The following LGR5 variants were observed in gnomAD, a reference collection of about 807,000 sequenced individuals.
LGR5 encodes the protein leucine-rich repeat-containing G protein-coupled receptor 5.
LGR5 carries 54 observed loss-of-function variants against 76.7 expected under a neutral mutation model. The observed-to-expected ratio is 0.70, with a 90% CI of 0.57 to 0.88. The LOEUF (loss-of-function observed/expected upper bound fraction) is 0.88. LGR5 is among the 40% of genes least tolerant of loss of function. The pLI is 0.00. For missense variants in LGR5, 1,078 were observed against 1,073.3 expected, an observed-to-expected ratio of 1.00 and a Z score of -0.06; for synonymous variants, 406 against 421.9, an observed-to-expected ratio of 0.96 and a Z score of 0.46.
chr12:71,528,116 G>A (rs924676403), intron 3 of LGR5, among the ~76,000 whole-genome samples: 1 of 152,104 alleles, frequency 6.6e-6, no homozygotes, highest in African/African-American at 2.4e-5. Flanking sequence ...TATACATCCT[G>A]TCTATTCCTG....
chr12:71,584,311 C>T lies in LGR5; in HGVS notation c.2301C>T (p.His767=), dbSNP rs1879227074. 1.2e-6 allele frequency: 2 copies of T among 1,614,076 alleles called. No homozygotes were observed. The highest frequency in any genetic ancestry group is 8.5e-7 in the Non-Finnish European group (1 of 1,180,012). Residue 767 remains histidine, a synonymous_variant, in exon 18 of 18, where the codon CAC becomes CAT. Transcript: ENST00000266674. ...TTTGGGACTGCTCTATGGTAAAACA[C>T]ATTGCCCTGTTGCTCTTCACCAACT... is the stretch of plus-strand genomic sequence containing the variant. ...ENIWDCSMVK[H]IALLLFTNCI... is the part of the protein sequence containing the mutation.
intron 3 of LGR5, among the ~76,000 whole-genome samples, chr12:71,531,042 A>C (rs1876282808): frequency 6.6e-6 from 1 of 151,696 alleles, no homozygotes; most frequent in South Asian, 2.1e-4. Flanking sequence ...AATTGTGTAG[A>C]GTAGCATGGG....
intron 1 of LGR5, among the ~76,000 whole-genome samples, chr12:71,478,387 C>A (rs1873434512): frequency 6.6e-6 from 1 of 152,184 alleles, no homozygotes; most frequent in Non-Finnish European, 1.5e-5. Context: ...AAAATGAAGT[C>A]TTACATATTT....
chr12:71,576,062 G>A (rs920715307), intron 13 of LGR5, among the ~76,000 whole-genome samples: 1 of 152,104 alleles, frequency 6.6e-6, no homozygotes, highest in Admixed American at 6.5e-5. Context: ...CACAGGGAGA[G>A]AGATACCACA....
intron 2 of LGR5, among the ~76,000 whole-genome samples, chr12:71,511,172 T>C (rs1245909312): frequency 6.6e-6 from 1 of 152,154 alleles, no homozygotes; most frequent in African/African-American, 2.4e-5. Context: ...CTACGATAGG[T>C]GTCTGGGCGA....
intron 3 of LGR5, among the ~76,000 whole-genome samples, chr12:71,528,947 T>C (rs1223640611): frequency 6.6e-6 from 1 of 152,216 alleles, no homozygotes; most frequent in Non-Finnish European, 1.5e-5. Context: ...ACAGGATAAA[T>C]ATTCTCTGTG....
intron 17 of LGR5, 40 bp downstream of exon 17, chr12:71,582,579 C>T (rs1879140213): frequency 1.4e-6 from 2 of 1,414,368 alleles, no homozygotes; most frequent in Non-Finnish European, 2.0e-6. Context: ...GCAGTATCCA[C>T]CACTGATTCT....
At chr12:71,570,165 G>C (rs1337943454) in intron 11 of LGR5, among the ~76,000 whole-genome samples, 1 of 151,958 alleles carries the variant, frequency 6.6e-6, no homozygotes, top group African/African-American at 2.4e-5. Flanking sequence ...CCGGGGGAGG[G>C]TGGGAAGGGG....
intron 3 of LGR5, among the ~76,000 whole-genome samples, chr12:71,525,020 T>A (rs865793922): frequency 2.0e-5 from 3 of 152,226 alleles, no homozygotes; most frequent in Middle Eastern, 3.2e-3. Context: ...CATTATTTAA[T>A]GTCCAATTTC....
chr12:71,439,750 A>C (rs1174506770), upstream of LGR5: 1 of 284,966 alleles, frequency 3.5e-6, no homozygotes, highest in Admixed American at 5.5e-5. Context: ...CTGGGCGCGC[A>C]ATTCGGGCTG....
At position 71,584,259 on chromosome 12, in the gene LGR5, A is replaced by G; in HGVS notation, c.2249A>G (p.Asn750Ser). 2 of 1,614,200 alleles carry G rather than the reference A, an allele frequency of 1.2e-6. No homozygotes were observed. Among genetic ancestry groups the G allele is most frequent in the African/African-American group, 1.3e-5 (1 of 75,054 alleles). The part of the protein sequence containing the change: ...MTIAYTKLYC[N>S]LDKGDLENIW... Reference sequence around the variant, plus strand: ...ATTGCCTACACCAAGCTCTACTGCAATTTGGACAAGGGAGACCTGGAGAAT... The same window carrying G: ...ATTGCCTACACCAAGCTCTACTGCAGTTTGGACAAGGGAGACCTGGAGAAT... The change falls in exon 18 of 18, where the codon AAT (asparagine) becomes AGT (serine). Residue 750 changes from asparagine to serine, a missense_variant. Coordinates refer to ENST00000266674, the MANE Select transcript of LGR5 (RefSeq NM_003667.4).
chr12:71,460,829 G>T (rs1378622561), intron 1 of LGR5, among the ~76,000 whole-genome samples: 1 of 151,966 alleles, frequency 6.6e-6, no homozygotes, highest in African/African-American at 2.4e-5. Context: ...TGTAAAACAG[G>T]GCTAGTTTTC....
intron 4 of LGR5, among the ~76,000 whole-genome samples, chr12:71,537,093 T>A (rs1335890978): frequency 6.6e-6 from 1 of 151,666 alleles, no homozygotes; most frequent in East Asian, 1.9e-4. Flanking sequence ...CAGACCAGTG[T>A]GAGTGTTGAA....
At chr12:71,573,495 A>T (rs1171423690) in intron 13 of LGR5, among the ~76,000 whole-genome samples, 1 of 151,976 alleles carries the variant, frequency 6.6e-6, no homozygotes, top group African/African-American at 2.4e-5. Context: ...ACTTGTATTT[A>T]ATTCCATTTT....
intron 2 of LGR5, among the ~76,000 whole-genome samples, chr12:71,523,386 C>A (rs1204568871): frequency 6.6e-6 from 1 of 152,076 alleles, no homozygotes; most frequent in Admixed American, 6.6e-5. Flanking sequence ...TACTATGGCA[C>A]ACCCCTGTAG....
intron 1 of LGR5, among the ~76,000 whole-genome samples, chr12:71,443,539 T>C (rs77149384): frequency 0.01 from 1,533 of 152,336 alleles, 10 homozygotes; most frequent in Middle Eastern, 0.017. Flanking sequence ...GGTTGAGATA[T>C]AAAAGCAGAC....
chr12:71,475,364 C>T (rs1873283079), intron 1 of LGR5, among the ~76,000 whole-genome samples: 1 of 152,168 alleles, frequency 6.6e-6, no homozygotes, highest in Non-Finnish European at 1.5e-5. Flanking sequence ...AAGAGATTTA[C>T]TAAATCCAAA....
chr12:71,454,382 A>T (rs558804469), intron 1 of LGR5, among the ~76,000 whole-genome samples: 1 of 152,274 alleles, frequency 6.6e-6, no homozygotes, highest in East Asian at 1.9e-4. Context: ...CAGATTGGAG[A>T]AGTAAACTCT....
intron 3 of LGR5, among the ~76,000 whole-genome samples, chr12:71,529,840 C>T (rs1200405268): frequency 6.6e-6 from 1 of 151,790 alleles, no homozygotes; most frequent in Non-Finnish European, 1.5e-5. Context: ...CCTGTAATCC[C>T]AGCTACTTGG....
Sources: allele counts gnomAD v4.1 joint callset (sites outside exome capture counted in the v4.1 genomes callset), GRCh38; gene constraint gnomAD v4.1.1; transcripts MANE v1.5; gene names NCBI Gene and HGNC (gene_info 2026-07-23, HGNC 2026-07-21).